Variants in KIAA1217 observed in about 807,000 individuals in gnomAD.
KIAA1217 encodes KIAA1217, also known as sickle tail protein homolog.
A neutral mutation model predicts 163.9 loss-of-function variants in KIAA1217; 88 were observed. The observed-to-expected ratio is 0.54, with a 90% CI of 0.45 to 0.64. The LOEUF (loss-of-function observed/expected upper bound fraction) is 0.64, where lower values mean the gene tolerates loss of function less well. Ranked by LOEUF, KIAA1217 falls within the 30% of genes least tolerant of loss-of-function variation. KIAA1217 has a pLI of 0.00. For synonymous variants in KIAA1217, 903 were observed against 923.1 expected (o/e 0.98, Z 0.39); for missense variants, 2,372 against 2,475.0 (o/e 0.96, Z 0.88).
intron 2 of KIAA1217, among the ~76,000 whole-genome samples, chr10:24,146,798 A>T (rs2064337024): frequency 6.6e-6 from 1 of 152,148 alleles, no homozygotes; most frequent in Non-Finnish European, 1.5e-5. Flanking sequence ...CCACCTCCCA[A>T]ATATCCCTCT....
chr10:23,968,712 T>C (rs1027377588), intron 1 of KIAA1217, among the ~76,000 whole-genome samples: 1 of 152,222 alleles, frequency 6.6e-6, no homozygotes, highest in Non-Finnish European at 1.5e-5. Flanking sequence ...TTCATACAAA[T>C]AGAACTATAC....
At chr10:24,185,306 T>G (rs1213470922) in intron 2 of KIAA1217, among the ~76,000 whole-genome samples, 1 of 152,162 alleles carries the variant, frequency 6.6e-6, no homozygotes, top group Non-Finnish European at 1.5e-5. Flanking sequence ...CAGTTCCAGT[T>G]TGGTTGGTTA....
At chr10:24,500,328 C>T (rs1433917152) in intron 8 of KIAA1217, among the ~76,000 whole-genome samples, 1 of 131,146 alleles carries the variant, frequency 7.6e-6, no homozygotes, top group Non-Finnish European at 1.6e-5. Context: ...ACAGTGTGTG[C>T]ATGCGTGTGT....
rs375103486 is a variant in KIAA1217, at chr10:24,282,340, G to A, written c.354+62431G>A. On this transcript the variant is annotated intron_variant, in intron 2 of 20. Transcript: ENST00000376454. The stretch of plus-strand genomic sequence containing the variant: ...ACACACACCCCCACCTCTTTTCTAT[G>A]TTGTCTTCTTTGGAAAGAAGTCACT... Among the ~76,000 whole-genome samples the A allele has an allele frequency of 1.3e-3, 199 of 151,998 alleles. 2 individuals are homozygous for A. Among genetic ancestry groups the A allele is most frequent in the African/African-American group, 4.3e-3 (178 of 41,464 alleles).
At chr10:24,213,377 A>G (rs1243488013) in intron 1 of KIAA1217, among the ~76,000 whole-genome samples, 2 of 152,128 alleles carry the variant, frequency 1.3e-5, no homozygotes, top group Non-Finnish European at 2.9e-5. Flanking sequence ...ATGCAAGTGA[A>G]GTGCTATTAG....
At chr10:24,208,950 G>A, upstream of KIAA1217, 2 of 438,372 alleles carry the variant, frequency 4.6e-6, no homozygotes, top group Admixed American at 7.8e-5. Context: ...CGGACGGACG[G>A]ACGGACGGAC....
chr10:23,750,065 C>T (rs907382896), intron 1 of KIAA1217, among the ~76,000 whole-genome samples: 1 of 151,996 alleles, frequency 6.6e-6, no homozygotes, highest in Non-Finnish European at 1.5e-5. Flanking sequence ...TTTCTTCTCT[C>T]CAACTCCATT....
At chr10:24,025,393 A>G (rs1036466256) in intron 2 of KIAA1217, among the ~76,000 whole-genome samples, 9 of 151,740 alleles carry the variant, frequency 5.9e-5, no homozygotes, top group Non-Finnish European at 1.3e-4. Flanking sequence ...CTTATTCCAA[A>G]CATACTTTCT....
chr10:24,014,397 C>T (rs1385831401), intron 2 of KIAA1217, among the ~76,000 whole-genome samples: 1 of 152,112 alleles, frequency 6.6e-6, no homozygotes, highest in Non-Finnish European at 1.5e-5. Flanking sequence ...ATAAACAAAT[C>T]ACTGCTTTAA....
At chr10:23,901,070 C>T (rs1470499412) in intron 1 of KIAA1217, among the ~76,000 whole-genome samples, 1 of 152,048 alleles carries the variant, frequency 6.6e-6, no homozygotes, top group Non-Finnish European at 1.5e-5. Context: ...TATTTAACCA[C>T]AATAATAAGC....
chr10:24,276,768 C>T (rs1311074524), intron 2 of KIAA1217, among the ~76,000 whole-genome samples: 3 of 152,118 alleles, frequency 2.0e-5, no homozygotes, highest in African/African-American at 7.2e-5. Context: ...TGCTACTACG[C>T]CCAGCTAATT....
intron 3 of KIAA1217, 98 bp downstream of exon 3, chr10:24,381,165 T>C: frequency 1.1e-6 from 1 of 931,104 alleles, no homozygotes; most frequent in Non-Finnish European, 1.5e-6. Flanking sequence ...ATTAATTTGA[T>C]CTTGATTTGC....
At chr10:24,057,402 TAC>T (rs2060567475) in intron 2 of KIAA1217, among the ~76,000 whole-genome samples, 1 of 152,216 alleles carries the variant, frequency 6.6e-6, no homozygotes. Flanking sequence ...ACTGAAATGT[TAC>T]ACTCGTTACA....
intron 1 of KIAA1217, among the ~76,000 whole-genome samples, chr10:23,826,655 T>C (rs1837913946): frequency 6.6e-6 from 1 of 152,180 alleles, no homozygotes; most frequent in Admixed American, 6.5e-5. Context: ...GGCCAGGGTG[T>C]CCCTTCCATG....
chr10:24,086,236 G>A (rs560333610), intron 2 of KIAA1217, among the ~76,000 whole-genome samples: 1 of 152,292 alleles, frequency 6.6e-6, no homozygotes, highest in East Asian at 1.9e-4. Context: ...AACAAAGGGA[G>A]GCTTTTATCT....
At position 23,811,505 on chromosome 10, in the gene KIAA1217, A is replaced by T. The variant is rs74693926; in HGVS notation, c.-321+116271A>T. Among the ~76,000 whole-genome samples, 719 of 152,048 alleles carry T rather than the reference A, an allele frequency of 4.7e-3. 2 individuals carry two copies. The highest frequency in any genetic ancestry group is 0.017 in the African/African-American group (695 of 41,492). ...TATTAAGATATGTTCATTCTTAGTT[A>T]TAGGATTTTCTTTAGTCAAGTGTAT... On this transcript the variant is annotated intron_variant, in intron 1 of 18. Coordinates refer to the KIAA1217 transcript ENST00000376462.
chr10:23,815,270 A>C lies in KIAA1217; in HGVS notation c.-321+120036A>C, dbSNP rs568457266. On this transcript the variant is annotated intron_variant, in intron 1 of 18. Coordinates refer to the KIAA1217 transcript ENST00000376462. The stretch of plus-strand genomic sequence containing the variant: ...CCAAGCTCTCACTTTTACAGATGAA[A>C]AAAAAGCATAAAATTGCTTAAGATG... 7.2e-5 allele frequency among the ~76,000 whole-genome samples: 11 copies of C among 152,344 alleles called. No individual in the cohort carries two copies. The East Asian group carries it at 2.1e-3, about 29-fold the overall frequency.
At chr10:24,076,035 C>A (rs2061358937) in intron 2 of KIAA1217, among the ~76,000 whole-genome samples, 1 of 152,108 alleles carries the variant, frequency 6.6e-6, no homozygotes, top group East Asian at 1.9e-4. Flanking sequence ...CATCTGGAGC[C>A]ATTTTGCAAG....
intron 2 of KIAA1217, among the ~76,000 whole-genome samples, chr10:24,231,674 A>G (rs1480941065): frequency 1.3e-5 from 2 of 152,196 alleles, no homozygotes; most frequent in African/African-American, 4.8e-5. Context: ...AAACAAAAGT[A>G]AAAAAGAAAA....
Sources: allele counts gnomAD v4.1 joint callset (sites outside exome capture counted in the v4.1 genomes callset), GRCh38; gene constraint gnomAD v4.1.1; transcripts MANE v1.5; gene names NCBI Gene and HGNC (gene_info 2026-07-23, HGNC 2026-07-21).